The following SHROOM3 variants were observed in gnomAD, a reference collection of about 807,000 sequenced individuals.
SHROOM3 encodes shroom family member 3.
In SHROOM3, 47 loss-of-function variants were observed where a neutral mutation model predicts 138.6. The ratio of observed to expected loss-of-function variants is 0.34; its 90% CI spans 0.27 to 0.43. The LOEUF is 0.43. SHROOM3 is among the 20% of genes least tolerant of loss of function. The probability of loss-of-function intolerance (pLI) is 1.00; values close to 1 mark genes in which losing one functional copy is unlikely to be tolerated. For missense variants in SHROOM3, 2,491 were observed against 2,596.5 expected (o/e 0.96, Z 0.88); for synonymous variants, 1,062 against 1,063.3 (o/e 1.00, Z 0.02).
chr4:76,539,859 G>A (rs1043080598), intron 1 of SHROOM3, among the ~76,000 whole-genome samples: 7 of 152,088 alleles, frequency 4.6e-5, no homozygotes, highest in Non-Finnish European at 7.4e-5. Context: ...GTATCTTTCT[G>A]GCCTCTGAGA....
intron 1 of SHROOM3, among the ~76,000 whole-genome samples, chr4:76,499,397 T>C (rs554168535): frequency 6.6e-6 from 1 of 152,234 alleles, no homozygotes; most frequent in East Asian, 1.9e-4. Flanking sequence ...TAGCTCGCTT[T>C]TGTTGCTAGT....
At chr4:76,561,620 G>C (rs1330965031) in intron 2 of SHROOM3, among the ~76,000 whole-genome samples, 1 of 147,324 alleles carries the variant, frequency 6.8e-6, no homozygotes, top group East Asian at 2.0e-4. Context: ...GGCCCCTCAA[G>C]CAGTGAAATC....
chr4:76,653,937 G>T (rs1736013348), intron 2 of SHROOM3, among the ~76,000 whole-genome samples: 1 of 152,164 alleles, frequency 6.6e-6, no homozygotes, highest in African/African-American at 2.4e-5. Flanking sequence ...ATACAAAGAT[G>T]AGTAAGGCAT....
At chr4:76,444,649 C>A (rs1730768917) in intron 1 of SHROOM3, among the ~76,000 whole-genome samples, 1 of 150,656 alleles carries the variant, frequency 6.6e-6, no homozygotes, top group Non-Finnish European at 1.5e-5. Context: ...GGCATGGGCC[C>A]CATGCCTGGC....
At chr4:76,468,532 A>C (rs558058125) in intron 1 of SHROOM3, among the ~76,000 whole-genome samples, 48 of 151,744 alleles carry the variant, frequency 3.2e-4, no homozygotes, top group African/African-American at 1.2e-3. Flanking sequence ...ATAATAAATG[A>C]GTTTATTTTT....
intron 3 of SHROOM3, chr4:76,716,040 C>T (rs1720363530): frequency 1.5e-5 from 3 of 206,608 alleles, no homozygotes; most frequent in African/African-American, 7.0e-5. Context: ...TTCCCTCCTC[C>T]TCTTGCCCAC....
At position 76,695,979 on chromosome 4, in the gene SHROOM3, C is replaced by T. The variant is rs1046368240; in HGVS notation, c.324-14177C>T. On this transcript the variant is annotated intron_variant, in intron 2 of 10. Coordinates refer to ENST00000296043, the MANE Select transcript of SHROOM3 (RefSeq NM_020859.4). Reference sequence around the variant, plus strand: ...CCTAAGCAAAGTGTTGCTTGCAGCCCTGTATTTGAAAGAGTGCCACTGTGT... The same window carrying T: ...CCTAAGCAAAGTGTTGCTTGCAGCCTTGTATTTGAAAGAGTGCCACTGTGT... Among the ~76,000 whole-genome samples, 4 of 152,286 alleles carry T rather than the reference C, an allele frequency of 2.6e-5. No individual in the cohort carries two copies. The East Asian group carries it at 5.8e-4, about 22-fold the overall frequency.
In SHROOM3 at chr4:76,528,951, G is replaced by A. The variant is rs149277852; in HGVS notation, c.169-26658G>A. On this transcript the variant is annotated intron_variant, in intron 1 of 10. Transcript: ENST00000296043. ...ACATTAATGGGTGGGCAACTGTGACGTCTTCCTTGTGAGGAGGCCTCCTCT... is the reference window on the plus strand; with the variant it reads ...ACATTAATGGGTGGGCAACTGTGACATCTTCCTTGTGAGGAGGCCTCCTCT... 1.5e-3 allele frequency among the ~76,000 whole-genome samples: 235 copies of A among 152,270 alleles called. 2 individuals carry two copies. Among genetic ancestry groups the A allele is most frequent in the Non-Finnish European group, 2.1e-3 (144 of 68,024 alleles).
chr4:76,643,090 C>G (rs1233867526), intron 2 of SHROOM3, among the ~76,000 whole-genome samples: 1 of 151,636 alleles, frequency 6.6e-6, no homozygotes, highest in Non-Finnish European at 1.5e-5. Flanking sequence ...GCCTTTAATC[C>G]CAGCTACTCG....
chr4:76,651,397 CATAAATAT>C (rs1441698244), intron 2 of SHROOM3, among the ~76,000 whole-genome samples: 12 of 71,402 alleles, frequency 1.7e-4, no homozygotes, highest in Admixed American at 1.3e-3. Flanking sequence ...TCATGTAACC[CATAAATAT>C]ATATATATAT....
chr4:76,552,437 G>A (rs1252011909), intron 1 of SHROOM3, among the ~76,000 whole-genome samples: 1 of 151,034 alleles, frequency 6.6e-6, no homozygotes, highest in East Asian at 2.0e-4. Flanking sequence ...AACCCAGGAG[G>A]CTGAGGTTGC....
In SHROOM3 at chr4:76,588,816, A is replaced by T. The variant is rs1022196489; in HGVS notation, c.323+33053A>T. 3.9e-5 allele frequency among the ~76,000 whole-genome samples: 6 copies of T among 152,288 alleles called. No individual in the cohort carries two copies. In the East Asian group the frequency reaches 7.7e-4, roughly 20 times the overall value. On this transcript the variant is annotated intron_variant, in intron 2 of 10. Transcript: ENST00000296043. The stretch of plus-strand genomic sequence containing the variant: ...CCCCTCCATAGATGACTTCATTAAA[A>T]TGTCGCTGGTTAATAGGGAAAAGGT...
Position 76,561,968 on chromosome 4 carries a change from G to A in SHROOM3, c.323+6205G>A, listed in dbSNP as rs58089643. Among the ~76,000 whole-genome samples the A allele has an allele frequency of 5.5e-3, 842 of 152,068 alleles. 11 individuals are homozygous for A. Among genetic ancestry groups the A allele is most frequent in the African/African-American group, 0.019 (801 of 41,484 alleles). ...GGAGGTTACGGTGAGCCAAGATCCC[G>A]CCATTGCACTCCAGCTTGGGCAACA... is the stretch of plus-strand genomic sequence containing the variant. On this transcript the variant is annotated intron_variant, in intron 2 of 10. Transcript: ENST00000296043.
chr4:76,751,112 T>A (rs1220013323), intron 6 of SHROOM3, among the ~76,000 whole-genome samples: 2 of 152,238 alleles, frequency 1.3e-5, no homozygotes, highest in Non-Finnish European at 2.9e-5. Flanking sequence ...GCTTGCAGTA[T>A]ATTTTTCTGA....
chr4:76,575,038 G>A (rs1269506075), intron 2 of SHROOM3, among the ~76,000 whole-genome samples: 1 of 152,156 alleles, frequency 6.6e-6, no homozygotes, highest in Non-Finnish European at 1.5e-5. Flanking sequence ...TGCAAGGATG[G>A]CTCAACATAT....
At chr4:76,724,349 AT>A (rs1183210948) in intron 3 of SHROOM3, among the ~76,000 whole-genome samples, 1 of 152,228 alleles carries the variant, frequency 6.6e-6, no homozygotes, top group Admixed American at 6.5e-5. Flanking sequence ...AAAATGTAAA[AT>A]TAGTATGCCA....
intron 2 of SHROOM3, among the ~76,000 whole-genome samples, chr4:76,592,118 A>AG (rs1491364539): frequency 4.0e-5 from 6 of 151,868 alleles, no homozygotes; most frequent in African/African-American, 1.5e-4. Context: ...AACTTGAAAG[A>AG]GGGGAAAAAA....
At chr4:76,722,639 T>C (rs1399845531) in intron 3 of SHROOM3, among the ~76,000 whole-genome samples, 1 of 151,944 alleles carries the variant, frequency 6.6e-6, no homozygotes, top group African/African-American at 2.4e-5. Context: ...CAAACCTGCA[T>C]GTGTACCCCT....
At chr4:76,528,467 G>A (rs1276514968) in intron 1 of SHROOM3, among the ~76,000 whole-genome samples, 1 of 148,510 alleles carries the variant, frequency 6.7e-6, no homozygotes, top group Non-Finnish European at 1.5e-5. Context: ...CTATAGGCTT[G>A]CTCATGCTCA....
Sources: allele counts gnomAD v4.1 joint callset (sites outside exome capture counted in the v4.1 genomes callset), GRCh38; gene constraint gnomAD v4.1.1; transcripts MANE v1.5; gene names NCBI Gene and HGNC (gene_info 2026-07-23, HGNC 2026-07-21).